RALGAPA2: variants seen among roughly 807,000 people sequenced by gnomAD.
RALGAPA2 encodes Ral GTPase activating protein catalytic subunit alpha 2.
Under a neutral mutation model 230.4 loss-of-function variants are expected in RALGAPA2, and 139 were observed. That is an observed-to-expected ratio of 0.60 (90% CI 0.53 to 0.69). The LOEUF (loss-of-function observed/expected upper bound fraction) is 0.69. Among genes scored for constraint, RALGAPA2 ranks in the 30% least tolerant of loss-of-function variants. RALGAPA2 has a pLI of 0.00. For synonymous variants in RALGAPA2, 847 were observed against 837.8 expected, an observed-to-expected ratio of 1.01 and a Z score of -0.19; for missense variants, 2,163 against 2,276.0, an observed-to-expected ratio of 0.95 and a Z score of 1.01.
At chr20:20,499,880 T>C (rs2123655425) in intron 35 of RALGAPA2, among the ~76,000 whole-genome samples, 1 of 152,338 alleles carries the variant, frequency 6.6e-6, no homozygotes, top group Non-Finnish European at 1.5e-5. Flanking sequence ...ATTATAGGCT[T>C]GGTTTCAGAC....
intron 35 of RALGAPA2, among the ~76,000 whole-genome samples, chr20:20,496,019 G>A (rs1349878268): frequency 6.6e-6 from 1 of 152,206 alleles, no homozygotes; most frequent in African/African-American, 2.4e-5. Context: ...GGATGCATGA[G>A]TAGCAGTGGC....
intron 1 of RALGAPA2, among the ~76,000 whole-genome samples, chr20:20,711,917 T>A (rs1286909515): frequency 6.6e-6 from 1 of 151,930 alleles, no homozygotes; most frequent in African/African-American, 2.4e-5. Flanking sequence ...AAAAGGGGGA[T>A]GACAGAGATG....
intron 1 of RALGAPA2, among the ~76,000 whole-genome samples, chr20:20,688,959 C>A (rs542159206): frequency 2.6e-5 from 4 of 152,298 alleles, no homozygotes; most frequent in South Asian, 2.1e-4. Context: ...GTCCACCCTG[C>A]AGCTAGTATT....
chr20:20,605,869 T>A (rs1005676106), intron 14 of RALGAPA2, among the ~76,000 whole-genome samples: 2 of 152,076 alleles, frequency 1.3e-5, no homozygotes, highest in African/African-American at 4.8e-5. Flanking sequence ...CCCCTCAACC[T>A]CTGCCCATGG....
intron 24 of RALGAPA2, among the ~76,000 whole-genome samples, chr20:20,537,494 C>T (rs1045232178): frequency 6.6e-6 from 1 of 151,760 alleles, no homozygotes; most frequent in Non-Finnish European, 1.5e-5. Flanking sequence ...GTGGTGGGCA[C>T]CTGTAATCCC....
chr20:20,646,636 T>C (rs1173814571), intron 4 of RALGAPA2, among the ~76,000 whole-genome samples: 2 of 152,150 alleles, frequency 1.3e-5, no homozygotes, highest in Non-Finnish European at 2.9e-5. Flanking sequence ...CTTACTACTT[T>C]TGAAGAGGCA....
intron 10 of RALGAPA2, among the ~76,000 whole-genome samples, chr20:20,621,502 T>C (rs908247283): frequency 1.3e-5 from 2 of 152,002 alleles, no homozygotes; most frequent in Non-Finnish European, 2.9e-5. Context: ...CCTTCTTCCT[T>C]TCCCTTCCTT....
chr20:20,470,112 T>G (rs1382353564), intron 37 of RALGAPA2, among the ~76,000 whole-genome samples: 1 of 152,024 alleles, frequency 6.6e-6, no homozygotes, highest in Non-Finnish European at 1.5e-5. Flanking sequence ...TGCTGCAGAG[T>G]TCCAACTGTT....
At chr20:20,504,875 T>C in intron 34 of RALGAPA2, 1 of 525,568 alleles carries the variant, frequency 1.9e-6, no homozygotes, top group Non-Finnish European at 2.4e-6. Flanking sequence ...TATAAATGTA[T>C]ATATGTCTGT....
At chr20:20,396,144 G>A (rs1180868353) in intron 39 of RALGAPA2, among the ~76,000 whole-genome samples, 1 of 152,212 alleles carries the variant, frequency 6.6e-6, no homozygotes, top group Non-Finnish European at 1.5e-5. Flanking sequence ...CTATCCTCTG[G>A]GTCCTAGACC....
intron 36 of RALGAPA2, among the ~76,000 whole-genome samples, chr20:20,491,411 C>T (rs1033136614): frequency 3.9e-5 from 6 of 152,178 alleles, no homozygotes; most frequent in Non-Finnish European, 8.8e-5. Flanking sequence ...TGAACACCTA[C>T]CCTCTGGTCA....
intron 37 of RALGAPA2, among the ~76,000 whole-genome samples, chr20:20,428,804 C>G (rs1324663263): frequency 6.9e-6 from 1 of 145,830 alleles, no homozygotes; most frequent in African/African-American, 2.5e-5. Context: ...ACCCTTCCAT[C>G]TGATATTTAC....
At chr20:20,552,161 T>C (rs915327459) in intron 23 of RALGAPA2, among the ~76,000 whole-genome samples, 1 of 152,204 alleles carries the variant, frequency 6.6e-6, no homozygotes, top group Non-Finnish European at 1.5e-5. Context: ...GCAACTGTAC[T>C]TTCACACCAA....
rs1232438541 is a variant in RALGAPA2 at position 20,653,587 on chromosome 20, T to G, written c.271A>C (p.Lys91Gln). The G allele has an allele frequency of 8.2e-6, 12 of 1,464,256 alleles. No individual in the cohort carries two copies. Among genetic ancestry groups the G allele is most frequent in the Non-Finnish European group, 1.1e-5 (12 of 1,072,678 alleles). The allele number at this position is 1,464,256 out of a possible 1,614,324, so 90.7% of individuals were successfully genotyped here. A position where few individuals can be genotyped will look rare whatever the true frequency, so the allele number is the denominator to read the frequency against. Residue 91 changes from lysine (K) to glutamine (Q), a missense_variant and splice_region_variant, in exon 4 of 40, where the codon AAA becomes CAA. Lys to Gln is a moderately conservative substitution (Grantham distance 53). Transcript: ENST00000202677. The stretch of plus-strand genomic sequence containing the variant: ...CGTTCAGGTAGAAACTGCAGTATTT[T>G]CTATTAAAAAAAGATATAAAGAAAA... ...ELDSILFLFE[K>Q]ILQFLPERIF... is the part of the protein sequence containing the mutation.
intron 30 of RALGAPA2, among the ~76,000 whole-genome samples, chr20:20,523,060 TA>T (rs1421060726): frequency 6.6e-6 from 1 of 152,234 alleles, no homozygotes; most frequent in Non-Finnish European, 1.5e-5. Flanking sequence ...GTAATACTTT[TA>T]AAAATAAGGC....
At chr20:20,514,517 C>T (rs1197680201) in intron 31 of RALGAPA2, among the ~76,000 whole-genome samples, 3 of 151,860 alleles carry the variant, frequency 2.0e-5, no homozygotes, top group African/African-American at 7.3e-5. Context: ...GTATTCGGCA[C>T]ACTTCCTCAC....
chr20:20,518,645 T>C (rs1296410665), intron 31 of RALGAPA2, among the ~76,000 whole-genome samples: 1 of 152,210 alleles, frequency 6.6e-6, no homozygotes, highest in Non-Finnish European at 1.5e-5. Context: ...CTTGGGAATG[T>C]TTCCCAAAGA....
chr20:20,486,112 C>T (rs1404922125), intron 36 of RALGAPA2, among the ~76,000 whole-genome samples: 1 of 152,056 alleles, frequency 6.6e-6, no homozygotes, highest in East Asian at 1.9e-4. Context: ...TATATTCCAG[C>T]CTGGACAACA....
At chr20:20,673,283 A>G (rs1184396307) in intron 3 of RALGAPA2, among the ~76,000 whole-genome samples, 1 of 151,020 alleles carries the variant, frequency 6.6e-6, no homozygotes, top group East Asian at 2.0e-4. Context: ...CAACAATTAC[A>G]CCAAAAACAG....
Sources: gnomAD v4.1 joint callset for allele counts (sites outside exome capture counted in the v4.1 genomes callset) on GRCh38, gnomAD v4.1.1 for gene constraint, MANE v1.5 for transcripts, NCBI Gene and HGNC (gene_info 2026-07-23, HGNC 2026-07-21) for gene names.